The following STOML3 variants were observed in gnomAD, a reference collection of about 807,000 sequenced individuals.
The protein encoded by STOML3 is stomatin-like protein 3.
STOML3 carries 31 observed loss-of-function variants against 29.5 expected under a neutral mutation model. The observed-to-expected ratio is 1.05, with a 90% CI of 0.79 to 1.42. STOML3 has a LOEUF of 1.42. STOML3 is among the 40% of genes most tolerant of loss of function. The pLI, the probability that STOML3 is intolerant of heterozygous loss-of-function variation, is 0.00. For synonymous variants in STOML3, 122 were observed against 139.8 expected (o/e 0.87, Z 0.90); for missense variants, 380 against 363.0 (o/e 1.05, Z -0.38).
At chr13:38,989,945 A>G (rs376728576) in intron 1 of STOML3, among the ~76,000 whole-genome samples, 1 of 152,028 alleles carries the variant, frequency 6.6e-6, no homozygotes, top group Admixed American at 6.6e-5. Context: ...ACACACACGC[A>G]CACCATCATC....
At chr13:38,973,096 TAAAAAAAAAAAAAAAAAAAAAAAA>T (rs71074495) in intron 3 of STOML3, among the ~76,000 whole-genome samples, 105 of 32,576 alleles carry the variant, frequency 3.2e-3, no homozygotes, top group South Asian at 4.6e-3. Context: ...CCGTCTCTAC[TAAAAAAAAAAAAAAAAAAAAAAAA>T]AAAAAAAAAA....
chr13:38,980,190 C>A (rs926567377), intron 1 of STOML3: 3 of 1,500,006 alleles, frequency 2.0e-6, no homozygotes, highest in African/African-American at 1.4e-5. Context: ...TACACTGGAG[C>A]ATTAGAATCA....
At chr13:38,971,034 C>A (rs1880845432) in intron 4 of STOML3, among the ~76,000 whole-genome samples, 1 of 150,126 alleles carries the variant, frequency 6.7e-6, no homozygotes, top group Non-Finnish European at 1.5e-5. Context: ...CAGCTGAATT[C>A]TTTCTTTTTT....
At chr13:38,969,509 C>A (rs1566203098) in intron 5 of STOML3, among the ~76,000 whole-genome samples, 1 of 152,122 alleles carries the variant, frequency 6.6e-6, no homozygotes, top group Non-Finnish European at 1.5e-5. Flanking sequence ...AAGCTTGGGA[C>A]CTTTCCTCTA....
Position 38,968,537 on chromosome 13 carries a change from G to A in STOML3, c.517-3C>T. ...TCGGTGGCATCATCAAGTAAAGTCT[G>A]TTTCCAAATTAAAAGGGAAGACTAA... On this transcript the variant is annotated splice_polypyrimidine_tract_variant and splice_region_variant and intron_variant, in intron 5 of 6. Transcript: ENST00000379631. 6.2e-7 allele frequency: 1 copy of A among 1,613,952 alleles called. No individual in the cohort carries two copies.
At position 38,966,927 on chromosome 13, in the gene STOML3, G is replaced by T. The variant is rs377663641; in HGVS notation, c.774C>A (p.Thr258=). 17 of 1,613,848 alleles carry T rather than the reference G, an allele frequency of 1.1e-5. No homozygotes were observed. The African/African-American group carries it at 1.5e-4, about 14-fold the overall frequency. ...RYLQTLSTVA[T]EKNSTIVFPL... is the part of the protein sequence containing the mutation. The stretch of plus-strand genomic sequence containing the variant: ...GAAACACAATCGTAGAATTCTTCTC[G>T]GTGGCTACCGTGCTCAAGGTCTGCA... Residue 258 remains threonine, a synonymous_variant, in exon 7 of 7, where the codon ACC becomes ACA. Transcript: ENST00000379631.
chr13:38,982,977 T>C (rs1461103318), intron 1 of STOML3, among the ~76,000 whole-genome samples: 1 of 152,184 alleles, frequency 6.6e-6, no homozygotes, highest in East Asian at 1.9e-4. Flanking sequence ...TGTTACCTTA[T>C]ATAAAAATTC....
intron 1 of STOML3, among the ~76,000 whole-genome samples, chr13:38,983,374 T>C (rs1226122176): frequency 6.6e-6 from 1 of 152,228 alleles, no homozygotes; most frequent in Non-Finnish European, 1.5e-5. Flanking sequence ...CTTGGCCATT[T>C]AACTTTGTTC....
intron 1 of STOML3, among the ~76,000 whole-genome samples, chr13:38,989,071 A>G (rs1312074117): frequency 2.0e-5 from 3 of 149,466 alleles, no homozygotes; most frequent in Non-Finnish European, 3.0e-5. Context: ...TTTTATATAT[A>G]TCTGAGTTGC....
At chr13:38,975,340 C>A (rs3923129) in intron 3 of STOML3, among the ~76,000 whole-genome samples, 1 of 148,222 alleles carries the variant, frequency 6.7e-6, no homozygotes, top group Admixed American at 6.7e-5. Flanking sequence ...AAAAGAAAAA[C>A]AAAAAAAAGA....
chr13:38,984,514 AT>A (rs1439570278), intron 1 of STOML3, among the ~76,000 whole-genome samples: 1 of 152,240 alleles, frequency 6.6e-6, no homozygotes, highest in East Asian at 1.9e-4. Flanking sequence ...GTGTGTTTTT[AT>A]TGTACCTTTT....
In STOML3 at chr13:38,980,108, G is replaced by T. The variant is rs756125312; in HGVS notation, c.53-3311C>A. On this transcript the variant is annotated intron_variant, in intron 1 of 6. Coordinates refer to ENST00000379631, the MANE Select transcript of STOML3 (RefSeq NM_145286.3). Reference sequence around the variant, plus strand: ...CTTGCATCATTACACGTGCACATGAGGCTCAGCTCCATTAGGTAATAGACG... The same window carrying T: ...CTTGCATCATTACACGTGCACATGATGCTCAGCTCCATTAGGTAATAGACG... 10 of 1,551,544 alleles carry T rather than the reference G, an allele frequency of 6.4e-6. No individual in the cohort carries two copies. In the Middle Eastern group the frequency reaches 1.0e-3, roughly 155 times the overall value.
Position 38,977,148 on chromosome 13 carries a change from AGAT to A in STOML3, c.53-354_53-352del, listed in dbSNP as rs1244533529. On this transcript the variant is annotated intron_variant, in intron 1 of 6. Coordinates refer to ENST00000379631, the MANE Select transcript of STOML3 (RefSeq NM_145286.3). ...CTGGACCGTCCACACCAGAATCATC[AGAT>A]GTCTGGGTCCTGTGAATTCTCGAGG... Among the ~76,000 whole-genome samples the A allele has an allele frequency of 3.3e-5, 5 of 152,232 alleles. No individual in the cohort carries two copies. In the East Asian group the frequency reaches 9.6e-4, roughly 29 times the overall value.
At position 38,988,393 on chromosome 13, in the gene STOML3, TTTTATATAAAA is replaced by T. The variant is rs1307079546; in HGVS notation, c.52+2266_52+2276del. Among the ~76,000 whole-genome samples the T allele has an allele frequency of 7.3e-5, 7 of 96,140 alleles. No individual in the cohort carries two copies. The South Asian group carries it at 2.2e-3, about 30-fold the overall frequency. The allele number at this position is 96,140 out of a possible 152,430, so 63.1% of individuals were successfully genotyped here. A position where few individuals can be genotyped will look rare whatever the true frequency, so the allele number is the denominator to read the frequency against. ...AATATATTATATTTTATATCATATA[TTTTATATAAAA>T]TATATGATATTTTATATCATATATT... On this transcript the variant is annotated intron_variant, in intron 1 of 6. Transcript: ENST00000379631.
At chr13:38,987,963 T>G (rs1270441262) in intron 1 of STOML3, among the ~76,000 whole-genome samples, 2 of 73,816 alleles carry the variant, frequency 2.7e-5, no homozygotes, top group Admixed American at 2.3e-4. Flanking sequence ...ATATTTTATA[T>G]AATATATTAT....
At chr13:38,967,616 GA>G (rs1880704937) in intron 6 of STOML3, among the ~76,000 whole-genome samples, 2 of 152,170 alleles carry the variant, frequency 1.3e-5, no homozygotes, top group Non-Finnish European at 2.9e-5. Context: ...GTCCAGGAGT[GA>G]TTCAGCTGCC....
intron 1 of STOML3, among the ~76,000 whole-genome samples, chr13:38,979,477 A>T (rs555497915): frequency 6.6e-6 from 1 of 152,234 alleles, no homozygotes; most frequent in South Asian, 2.1e-4. Context: ...ATGTATTTAC[A>T]TACATATATC....
chr13:38,982,403 C>A (rs1474208150), intron 1 of STOML3, among the ~76,000 whole-genome samples: 7 of 151,720 alleles, frequency 4.6e-5, no homozygotes, highest in African/African-American at 9.7e-5. Flanking sequence ...AGATTTAAAT[C>A]TTTTGAAAAG....
chr13:38,967,575 T>G (rs1274369430), intron 6 of STOML3, among the ~76,000 whole-genome samples: 1 of 152,206 alleles, frequency 6.6e-6, no homozygotes, highest in Non-Finnish European at 1.5e-5. Flanking sequence ...GGCAATCTCT[T>G]AAGTACATCA....
Sources: allele counts gnomAD v4.1 joint callset (sites outside exome capture counted in the v4.1 genomes callset), GRCh38; gene constraint gnomAD v4.1.1; transcripts MANE v1.5; gene names NCBI Gene and HGNC (gene_info 2026-07-23, HGNC 2026-07-21).